The following STK31 variants were observed in gnomAD, a reference collection of about 807,000 sequenced individuals.
The protein encoded by STK31 is serine/threonine-protein kinase 31.
In STK31, 89 loss-of-function variants were observed where a neutral mutation model predicts 129.7. The observed-to-expected ratio is 0.69, with a 90% CI of 0.58 to 0.82. The LOEUF (loss-of-function observed/expected upper bound fraction) is 0.82, where lower values mean the gene tolerates loss of function less well. Among genes scored for constraint, STK31 ranks in the 40% least tolerant of loss-of-function variants. The pLI is 0.00. For synonymous variants in STK31, 448 were observed against 395.3 expected (o/e 1.13, Z -1.58); for missense variants, 1,187 against 1,176.4 (o/e 1.01, Z -0.13).
At chr7:23,728,368 G>A (rs1051949379) in intron 5 of STK31, among the ~76,000 whole-genome samples, 1 of 152,078 alleles carries the variant, frequency 6.6e-6, no homozygotes, top group African/African-American at 2.4e-5. Context: ...ATGCTAAGAT[G>A]TGACAATTTG....
At chr7:23,799,734 C>G (rs1351705376) in intron 22 of STK31, among the ~76,000 whole-genome samples, 1 of 152,156 alleles carries the variant, frequency 6.6e-6, no homozygotes, top group Admixed American at 6.5e-5. Flanking sequence ...CCAAAATTGA[C>G]AAATGGGATC....
intron 21 of STK31, among the ~76,000 whole-genome samples, chr7:23,790,301 G>T (rs1052283233): frequency 2.0e-5 from 3 of 152,140 alleles, no homozygotes; most frequent in African/African-American, 7.2e-5. Flanking sequence ...GGACAAAAAA[G>T]AGGTTAAAGC....
chr7:23,733,616 G>T (rs764390415), intron 6 of STK31, among the ~76,000 whole-genome samples: 21 of 151,830 alleles, frequency 1.4e-4, no homozygotes, highest in Non-Finnish European at 2.1e-4. Context: ...AGACCATCCT[G>T]GCTAACATGG....
At chr7:23,788,996 T>C (rs1323708333) in intron 21 of STK31, among the ~76,000 whole-genome samples, 1 of 152,164 alleles carries the variant, frequency 6.6e-6, no homozygotes, top group Non-Finnish European at 1.5e-5. Flanking sequence ...AAACTACGAA[T>C]ACACTTTCTG....
intron 22 of STK31, among the ~76,000 whole-genome samples, chr7:23,814,163 T>TTTTTTTTTTTG (rs1174158138): frequency 6.7e-6 from 1 of 148,874 alleles, no homozygotes. Flanking sequence ...TTTTTTTTTT[T>TTTTTTTTTTTG]TCAGTTGGGA....
chr7:23,718,489 T>G (rs113149512), intron 4 of STK31, among the ~76,000 whole-genome samples: 45 of 152,198 alleles, frequency 3.0e-4, no homozygotes, highest in African/African-American at 1.1e-3. Context: ...TTCGGGCCCC[T>G]TCTCAGTCAA....
intron 22 of STK31, among the ~76,000 whole-genome samples, chr7:23,809,147 C>A (rs781662489): frequency 1.3e-5 from 2 of 150,018 alleles, no homozygotes; most frequent in African/African-American, 5.0e-5. Flanking sequence ...TGTATTATAG[C>A]TAGAGTTGTT....
chr7:23,760,924 C>G (rs1040606322), intron 10 of STK31, among the ~76,000 whole-genome samples: 6 of 152,142 alleles, frequency 3.9e-5, no homozygotes, highest in Non-Finnish European at 8.8e-5. Flanking sequence ...CCTTGGCCTC[C>G]CAAAGTCCTG....
rs1441541252 is a variant in STK31, at chr7:23,712,110, T to G, written c.62T>G (p.Ile21Ser). ...SATESVSFSG[I>S]VQMDEDTHYD... ...AGGTATTGTTCTAGTTTTTCAGGAA[T>G]TGTTCAAATGGATGAAGATACACAT... Residue 21 changes from isoleucine to serine, a missense_variant, in exon 2 of 24, where the codon ATT (isoleucine) becomes AGT (serine). Ile to Ser is a moderately radical substitution (Grantham distance 142, BLOSUM62 -2). Around this residue, in one of 5 missense-constraint regions of STK31, gnomAD observed 104 missense variants for 98.3 expected, o/e 1.06. Coordinates refer to ENST00000355870, the MANE Select transcript of STK31 (RefSeq NM_031414.5). 1.2e-6 allele frequency: 2 copies of G among 1,610,450 alleles called. No homozygotes were observed. The highest frequency in any genetic ancestry group is 1.7e-6 in the Non-Finnish European group (2 of 1,176,992).
intron 9 of STK31, among the ~76,000 whole-genome samples, chr7:23,753,903 C>T (rs1321865898): frequency 2.0e-5 from 3 of 152,114 alleles, no homozygotes; most frequent in East Asian, 1.9e-4. Flanking sequence ...ATCAATTAGC[C>T]TATGATACTA....
intron 6 of STK31, among the ~76,000 whole-genome samples, chr7:23,730,878 A>ATATATATATATATATATATATATTTT: frequency 1.2e-4 from 7 of 59,530 alleles, no homozygotes; most frequent in African/African-American, 2.3e-4. Flanking sequence ...ATATATATAT[A>ATATATATATATATATATATATATTTT]TTTTTTTTTT....
Position 23,769,003 on chromosome 7 carries a change from A to C in STK31, c.1425A>C (p.Ser475=). The change falls in exon 12 of 24, where the codon TCA becomes TCC. Residue 475 remains serine, a synonymous_variant. Transcript: ENST00000355870. ...AGTATATCTCTCTGCAGGATTTGTCAGTCTCTTTAGAAGCAGTGTATGGAC... is the reference window on the plus strand; with the variant it reads ...AGTATATCTCTCTGCAGGATTTGTCCGTCTCTTTAGAAGCAGTGTATGGAC... ...NKRLKTLQDL[S]VSLEAVYGQA... 6.3e-7 allele frequency: 1 copy of C among 1,592,116 alleles called. No homozygotes were observed. The highest frequency in any genetic ancestry group is 8.5e-7 in the Non-Finnish European group (1 of 1,172,560).
At chr7:23,718,733 C>T (rs12672950) in intron 4 of STK31, among the ~76,000 whole-genome samples, 130,550 of 152,032 alleles carry the variant, frequency 0.86, 56,184 homozygotes, top group East Asian at 0.97. Flanking sequence ...CACAATTTAT[C>T]GATCTGTTCT....
Position 23,739,634 on chromosome 7 carries a change from T to G in STK31, c.1017+2556T>G, listed in dbSNP as rs543963789. Reference sequence around the variant, plus strand: ...TTTACATTTAAGTCTTTAATCCATCTTGAGTTAATTTTTGTATAAGGTGTA... The same window carrying G: ...TTTACATTTAAGTCTTTAATCCATCGTGAGTTAATTTTTGTATAAGGTGTA... On this transcript the variant is annotated intron_variant, in intron 8 of 23. Coordinates refer to ENST00000355870, the MANE Select transcript of STK31 (RefSeq NM_031414.5). Among the ~76,000 whole-genome samples the G allele has an allele frequency of 2.0e-5, 3 of 152,374 alleles. No individual in the cohort carries two copies. In the South Asian group the frequency reaches 6.2e-4, roughly 32 times the overall value.
At chr7:23,789,389 C>T (rs1283599379) in intron 21 of STK31, among the ~76,000 whole-genome samples, 4 of 152,082 alleles carry the variant, frequency 2.6e-5, no homozygotes, top group East Asian at 1.9e-4. Context: ...TTATATTCTT[C>T]CCAGTAATGT....
chr7:23,736,792 A>G (rs965809375), intron 7 of STK31, 112 bp from the exon 8 acceptor site: 1 of 851,670 alleles, frequency 1.2e-6, no homozygotes, highest in Non-Finnish European at 1.6e-6. Flanking sequence ...TTAGTTTTCA[A>G]AATTAACTTT....
chr7:23,737,990 TACATTACCTGTAC>T (rs1787819914), intron 8 of STK31, among the ~76,000 whole-genome samples: 1 of 152,152 alleles, frequency 6.6e-6, no homozygotes, highest in Non-Finnish European at 1.5e-5. Context: ...ATTCTGACAC[TACATTACCTGTAC>T]TTAGCATATA....
chr7:23,802,469 GGGTGGACAGCAC>G (rs1296157049), intron 22 of STK31, among the ~76,000 whole-genome samples: 28 of 152,180 alleles, frequency 1.8e-4, no homozygotes. Flanking sequence ...CTTGGGGGAA[GGGTGGACAGCAC>G]GGAGACGTTT....
chr7:23,774,854 G>C (rs1050649788), intron 15 of STK31, among the ~76,000 whole-genome samples: 2 of 152,182 alleles, frequency 1.3e-5, no homozygotes, highest in Admixed American at 1.3e-4. Flanking sequence ...CCTTGCCCAT[G>C]CCTATGTCCT....
Sources: allele counts gnomAD v4.1 joint callset (sites outside exome capture counted in the v4.1 genomes callset), GRCh38; gene constraint gnomAD v4.1.1; regional missense constraint gnomAD v4.1.1; transcripts MANE v1.5; gene names NCBI Gene and HGNC (gene_info 2026-07-23, HGNC 2026-07-21).